Variants in OR10AG1 observed in about 807,000 individuals in gnomAD.
The protein encoded by OR10AG1 is olfactory receptor 10AG1.
For missense variants in OR10AG1, 433 were observed against 376.5 expected, an observed-to-expected ratio of 1.15 and a Z score of -1.24; for synonymous variants, 147 against 128.6, an observed-to-expected ratio of 1.14 and a Z score of -0.97.
rs1299580104 is a variant in OR10AG1, at chr11:55,968,887, A to AGATTGGCAAT, written c.17-381_17-380insATTGCCAATC. On this transcript the variant is annotated intron_variant, in intron 1 of 1. Coordinates refer to ENST00000641071, the MANE Select transcript of OR10AG1 (RefSeq NM_001005491.2). ...TTGGTAGTCATATTCCAGTTTTTTT[A>AGATTGGCAAT]ATTCAAAATGTTGCCCTTGAATATT... Among the ~76,000 whole-genome samples the AGATTGGCAAT allele has an allele frequency of 2.6e-5, 4 of 152,156 alleles. No individual in the cohort carries two copies. The East Asian group carries it at 7.7e-4, about 29-fold the overall frequency.
chr11:55,966,621 T>C lies in OR10AG1; in HGVS notation c.*937A>G, dbSNP rs1209176894. 1 of 152,088 alleles carries C rather than the reference T, an allele frequency of 6.6e-6. No individual in the cohort carries two copies. Among genetic ancestry groups the C allele is most frequent in the Non-Finnish European group, 1.5e-5 (1 of 68,028 alleles). The allele number at this position is 152,088 out of a possible 1,614,324, so 9.4% of individuals were successfully genotyped here. A position where few individuals can be genotyped will look rare whatever the true frequency, so the allele number is the denominator to read the frequency against. On this transcript the variant is annotated 3_prime_UTR_variant, in exon 2 of 2. Transcript: ENST00000641071. ...GGATGACTCATTCCTTGCCCCTTTT[T>C]GTTTTGGTGAATCTTGACCATCTTT...
rs1852689924 is a variant in OR10AG1 at position 55,966,496 on chromosome 11, T to G, written c.*1062A>C. On this transcript the variant is annotated 3_prime_UTR_variant, in exon 2 of 2. Transcript: ENST00000641071. ...TTTATCTTAACAACTTACTGCAAAT[T>G]GGGTGGCTTAAGGCAATAGCAGATT... 6.6e-6 allele frequency: 1 copy of G among 152,026 alleles called. No individual in the cohort carries two copies. The highest frequency in any genetic ancestry group is 1.5e-5 in the Non-Finnish European group (1 of 68,004). 9.4% of individuals were successfully genotyped at this position (152,026 alleles called of 1,614,324 possible).
In OR10AG1 at chr11:55,967,481, CAA is replaced by C; in HGVS notation, c.*75_*76del. 1.1e-6 allele frequency: 1 copy of C among 879,128 alleles called. No homozygotes were observed. Among genetic ancestry groups the C allele is most frequent in the Non-Finnish European group, 1.8e-6 (1 of 564,884 alleles). 54.5% of individuals were successfully genotyped at this position (879,128 alleles called of 1,614,324 possible). On this transcript the variant is annotated 3_prime_UTR_variant, in exon 2 of 2. Coordinates refer to ENST00000641071, the MANE Select transcript of OR10AG1 (RefSeq NM_001005491.2). ...TACTCATTATTGAATACCATAGGGA[CAA>C]AGTTAAAAAAAAATTCACTGAAGCC...
Position 55,967,707 on chromosome 11 carries a change from G to T in OR10AG1, c.817C>A (p.Pro273Thr). 1 of 1,613,906 alleles carries T rather than the reference G, an allele frequency of 6.2e-7. No individual in the cohort carries two copies. The highest frequency in any genetic ancestry group is 1.1e-5 in the South Asian group (1 of 91,070). Residue 273 changes from proline to threonine, a missense_variant, in exon 2 of 2, where the codon CCC becomes ACC. Transcript: ENST00000641071. The part of the protein sequence containing the change: ...FGAGTITYLQ[P>T]KPHQFQRMGK... ...ATCCTTTGAAACTGATGTGGTTTGG[G>T]CTGTAAATAAGTGATAGTACCTGCT...
In OR10AG1 at chr11:55,966,923, C is replaced by T. The variant is rs1158521224; in HGVS notation, c.*635G>A. ...AGGGTCCAACATTCAACCCAACACA[C>T]ATAGGTAAGGCTAGTTTAGGATGAA... On this transcript the variant is annotated 3_prime_UTR_variant, in exon 2 of 2. Coordinates refer to ENST00000641071, the MANE Select transcript of OR10AG1 (RefSeq NM_001005491.2). The T allele has an allele frequency of 6.6e-6, 1 of 152,054 alleles. No homozygotes were observed. The highest frequency in any genetic ancestry group is 1.5e-5 in the Non-Finnish European group (1 of 68,014). 9.4% of individuals were successfully genotyped at this position (152,054 alleles called of 1,614,324 possible).
At chr11:55,969,325 T>C (rs1430072366) in intron 1 of OR10AG1, among the ~76,000 whole-genome samples, 1 of 152,104 alleles carries the variant, frequency 6.6e-6, no homozygotes, top group Non-Finnish European at 1.5e-5. Context: ...ATTCTTTGAT[T>C]AAACCCAGCT....
intron 1 of OR10AG1, among the ~76,000 whole-genome samples, chr11:55,969,251 C>T (rs571311873): frequency 6.6e-6 from 1 of 151,976 alleles, no homozygotes; most frequent in African/African-American, 2.4e-5. Flanking sequence ...AATACAGTTC[C>T]TTTCAACCAA....
In OR10AG1 at chr11:55,967,967, TTA is replaced by T; in HGVS notation, c.555_556del (p.Asn186SerfsTer5). 6.2e-7 allele frequency: 1 copy of T among 1,614,054 alleles called. No individual in the cohort carries two copies. The highest frequency in any genetic ancestry group is 8.5e-7 in the Non-Finnish European group (1 of 1,179,982). ...TGGCGGGATGTCACAAAAGAAATGA[TTA>T]ATTGTGTTAGTTCCGCAAAAGGGCA... On this transcript the variant is annotated frameshift_variant, in exon 2 of 2. Coordinates refer to ENST00000641071, the MANE Select transcript of OR10AG1 (RefSeq NM_001005491.2). LOFTEE classifies it low-confidence loss of function (END_TRUNC).
Position 55,967,487 on chromosome 11 carries a change from TAA to T in OR10AG1, c.*69_*70del. Reference sequence around the variant, plus strand: ...TTATTGAATACCATAGGGACAAAGTTAAAAAAAAATTCACTGAAGCCACATGA... The same window carrying T: ...TTATTGAATACCATAGGGACAAAGTTAAAAAAATTCACTGAAGCCACATGA... On this transcript the variant is annotated 3_prime_UTR_variant, in exon 2 of 2. Transcript: ENST00000641071. 1.1e-6 allele frequency: 1 copy of T among 948,888 alleles called. No individual in the cohort carries two copies. Among genetic ancestry groups the T allele is most frequent in the Non-Finnish European group, 1.6e-6 (1 of 627,320 alleles). The allele number at this position is 948,888 out of a possible 1,614,324, so 58.8% of individuals were successfully genotyped here.
In OR10AG1 at chr11:55,967,976, T is replaced by G; in HGVS notation, c.548A>C (p.Asn183Thr). 6.2e-7 allele frequency: 1 copy of G among 1,614,060 alleles called. No homozygotes were observed. Among genetic ancestry groups the G allele is most frequent in the Non-Finnish European group, 8.5e-7 (1 of 1,179,996 alleles). Residue 183 changes from asparagine (N) to threonine (T), a missense_variant, in exon 2 of 2, where the codon AAC (asparagine) becomes ACC (threonine). Coordinates refer to ENST00000641071, the MANE Select transcript of OR10AG1 (RefSeq NM_001005491.2). ...QIFLLPFCGT[N>T]TINHFFCDIP... ...GTCACAAAAGAAATGATTAATTGTG[T>G]TAGTTCCGCAAAAGGGCAAAAGGAA...
At position 55,967,303 on chromosome 11, in the gene OR10AG1, C is replaced by A. The variant is rs1050312030; in HGVS notation, c.*255G>T. On this transcript the variant is annotated 3_prime_UTR_variant, in exon 2 of 2. Transcript: ENST00000641071. ...CTCAGTTATTTTTCATTTTATTGCTCAGGTGGTCTCTTAATCAACAGTTAA... is the reference window on the plus strand; with the variant it reads ...CTCAGTTATTTTTCATTTTATTGCTAAGGTGGTCTCTTAATCAACAGTTAA... 5 of 332,982 alleles carry A rather than the reference C, an allele frequency of 1.5e-5. No homozygotes were observed. The highest frequency in any genetic ancestry group is 6.5e-5 in the African/African-American group (3 of 46,258). The allele number at this position is 332,982 out of a possible 1,614,324, so 20.6% of individuals were successfully genotyped here.
In OR10AG1 at chr11:55,966,195, G is replaced by T. The variant is rs974521568; in HGVS notation, c.*1363C>A. On this transcript the variant is annotated 3_prime_UTR_variant, in exon 2 of 2. Coordinates refer to ENST00000641071, the MANE Select transcript of OR10AG1 (RefSeq NM_001005491.2). ...GTTATAAAAGTTTTTGAAAAAACACGTTTGTAATAACTATTGAAAATATAT... is the reference window on the plus strand; with the variant it reads ...GTTATAAAAGTTTTTGAAAAAACACTTTTGTAATAACTATTGAAAATATAT... 1 of 150,642 alleles carries T rather than the reference G, an allele frequency of 6.6e-6. No homozygotes were observed. The highest frequency in any genetic ancestry group is 6.6e-5 in the Admixed American group (1 of 15,122). 9.3% of individuals were successfully genotyped at this position (150,642 alleles called of 1,614,324 possible).
Position 55,968,527 on chromosome 11 carries a change from A to G in OR10AG1, c.17-20T>C. Reference sequence around the variant, plus strand: ...CTCCATCTGCAGATATAGCAAATTCAAGACAGTTAATTCATCCATATTTTG... The same window carrying G: ...CTCCATCTGCAGATATAGCAAATTCGAGACAGTTAATTCATCCATATTTTG... On this transcript the variant is annotated intron_variant, in intron 1 of 1. Coordinates refer to ENST00000641071, the MANE Select transcript of OR10AG1 (RefSeq NM_001005491.2). 9.8e-7 allele frequency: 1 copy of G among 1,015,348 alleles called. No homozygotes were observed. The highest frequency in any genetic ancestry group is 1.5e-6 in the Non-Finnish European group (1 of 681,744). The allele number at this position is 1,015,348 out of a possible 1,614,324, so 62.9% of individuals were successfully genotyped here.
rs191730842 is a variant in OR10AG1 at position 55,966,244 on chromosome 11, T to C, written c.*1314A>G. 299 of 148,664 alleles carry C rather than the reference T, an allele frequency of 2.0e-3. 1 individual carries two copies. Among genetic ancestry groups the C allele is most frequent in the African/African-American group, 7.1e-3 (288 of 40,648 alleles). 9.2% of individuals were successfully genotyped at this position (148,664 alleles called of 1,614,324 possible). ...ATTACCTCTACAAGATCAAATTTCA[T>C]TGATTTAGCTTGTAAAGTAAGAAGA... On this transcript the variant is annotated 3_prime_UTR_variant, in exon 2 of 2. Coordinates refer to ENST00000641071, the MANE Select transcript of OR10AG1 (RefSeq NM_001005491.2).
At position 55,966,292 on chromosome 11, in the gene OR10AG1, T is replaced by TATATATATATATATATATATATATATA. The variant is rs376029198; in HGVS notation, c.*1265_*1266insTATATATATATATATATATATATATAT. 1 of 59,452 alleles carries TATATATATATATATATATATATATATA rather than the reference T, an allele frequency of 1.7e-5. No individual in the cohort carries two copies. The highest frequency in any genetic ancestry group is 6.3e-5 in the African/African-American group (1 of 15,900). The allele number at this position is 59,452 out of a possible 1,614,324, so 3.7% of individuals were successfully genotyped here. The stretch of plus-strand genomic sequence containing the variant: ...AGAATATATATATATATATATATAT[T>TATATATATATATATATATATATATATA]TTTTTTTTTAAACAGAAGTCAATTT... On this transcript the variant is annotated 3_prime_UTR_variant, in exon 2 of 2. Transcript: ENST00000641071.
Position 55,968,463 on chromosome 11 carries a change from T to G in OR10AG1, c.61A>C (p.Met21Leu). The change falls in exon 2 of 2, where the codon ATG (methionine) becomes CTG (leucine). Residue 21 changes from methionine to leucine, a missense_variant. Transcript: ENST00000641071. The part of the protein sequence containing the change: ...KREKSNVTTI[M>L]EFVLLGFSDI... ...GAAAACCCCAAAAGAACAAATTCCA[T>G]TATTGTAGTCACATTTGATTTTTCT... The G allele has an allele frequency of 6.5e-7, 1 of 1,541,574 alleles. No individual in the cohort carries two copies. Among genetic ancestry groups the G allele is most frequent in the African/African-American group, 1.4e-5 (1 of 72,010 alleles).
chr11:55,967,929 C>T lies in OR10AG1; in HGVS notation c.595G>A (p.Ala199Thr), dbSNP rs747533047. 5 of 1,614,070 alleles carry T rather than the reference C, an allele frequency of 3.1e-6. No homozygotes were observed. Among genetic ancestry groups the T allele is most frequent in the Non-Finnish European group, 4.2e-6 (5 of 1,179,984 alleles). The stretch of plus-strand genomic sequence containing the variant: ...TCATTCACAAATATGTTTCCACAAG[C>T]AAGCTTGAGTATTGGCGGGATGTCA... ...FCDIPPILKL[A>T]CGNIFVNEIT... The change falls in exon 2 of 2, where the codon GCT (alanine) becomes ACT (threonine). Residue 199 changes from alanine to threonine, a missense_variant. Physicochemically the swap from Ala to Thr is moderately conservative, Grantham distance 58. Transcript: ENST00000641071.
At chr11:55,968,743 G>A (rs1347422804) in intron 1 of OR10AG1, among the ~76,000 whole-genome samples, 3 of 152,050 alleles carry the variant, frequency 2.0e-5, no homozygotes, top group African/African-American at 7.3e-5. Flanking sequence ...GCATTGAGAA[G>A]CATGCATTGT....
Position 55,968,425 on chromosome 11 carries a change from A to G in OR10AG1, c.99T>C (p.Asn33=). 6.4e-7 allele frequency: 1 copy of G among 1,574,574 alleles called. No homozygotes were observed. Among genetic ancestry groups the G allele is most frequent in the Non-Finnish European group, 8.6e-7 (1 of 1,161,664 alleles). The part of the protein sequence containing the change: ...FVLLGFSDIP[N]LHWMLFSIFL... ...ATATACTAAAAAGCATCCAGTGGAG[A>G]TTGGGAATATCAGAAAACCCCAAAA... The change falls in exon 2 of 2, where the codon AAT becomes AAC. Residue 33 remains asparagine (N), a synonymous_variant. Coordinates refer to ENST00000641071, the MANE Select transcript of OR10AG1 (RefSeq NM_001005491.2).
Sources: allele counts gnomAD v4.1 joint callset (sites outside exome capture counted in the v4.1 genomes callset), GRCh38; gene constraint gnomAD v4.1.1; transcripts MANE v1.5; gene names NCBI Gene and HGNC (gene_info 2026-07-23, HGNC 2026-07-21).